Variants in PPP1R21 observed in about 807,000 individuals in gnomAD.
PPP1R21 encodes the protein protein phosphatase 1 regulatory subunit 21, also known as KLRAQ motif containing 1.
A neutral mutation model predicts 112.8 loss-of-function variants in PPP1R21; 85 were observed. The observed-to-expected ratio is 0.75, with a 90% confidence interval of 0.63 to 0.90. The LOEUF (loss-of-function observed/expected upper bound fraction) is 0.90, where lower values mean the gene tolerates loss of function less well. Among genes scored for constraint, PPP1R21 ranks in the 40% least tolerant of loss-of-function variants. PPP1R21 has a pLI of 0.00. For missense variants in PPP1R21, 1,199 were observed against 901.5 expected (o/e 1.33, Z -4.23); for synonymous variants, 381 against 322.3 (o/e 1.18, Z -1.95).
At chr2:48,454,124 G>T (rs1667604088) in intron 2 of PPP1R21, among the ~76,000 whole-genome samples, 1 of 152,126 alleles carries the variant, frequency 6.6e-6, no homozygotes, top group Non-Finnish European at 1.5e-5. Flanking sequence ...AGCCGAGTAT[G>T]GTAGTGTGCG....
chr2:48,490,160 A>C (rs1558496234), intron 14 of PPP1R21, among the ~76,000 whole-genome samples: 2 of 144,864 alleles, frequency 1.4e-5, no homozygotes. Context: ...CAGAGGTGGC[A>C]GTGAGCTGAG....
At chr2:48,475,717 C>T (rs891248787) in intron 12 of PPP1R21, among the ~76,000 whole-genome samples, 6 of 151,892 alleles carry the variant, frequency 4.0e-5, no homozygotes, top group African/African-American at 1.5e-4. Context: ...TGTGGTGGTG[C>T]GTGCCTGTAA....
At chr2:48,490,888 G>A (rs1669533423) in intron 14 of PPP1R21, 130 bp from the exon 15 acceptor site, 2 of 713,744 alleles carry the variant, frequency 2.8e-6, no homozygotes, top group South Asian at 3.7e-5. Context: ...TGGACTTTGG[G>A]GCAGGTGTTG....
intron 1 of PPP1R21, 168 bp downstream of exon 1, chr2:48,441,178 C>G (rs937490558): frequency 1.6e-6 from 1 of 630,904 alleles, no homozygotes; most frequent in African/African-American, 2.0e-5. Context: ...CCTGCAGCTC[C>G]CAGGAGATGG....
At chr2:48,481,921 T>C (rs1572867773) in intron 13 of PPP1R21, among the ~76,000 whole-genome samples, 1 of 152,262 alleles carries the variant, frequency 6.6e-6, no homozygotes, top group East Asian at 1.9e-4. Flanking sequence ...CACAAAATTA[T>C]TAAAAGTATC....
At position 48,461,215 on chromosome 2, in the gene PPP1R21, T is replaced by C. The variant is rs150896282; in HGVS notation, c.677T>C (p.Val226Ala). 384 of 1,580,934 alleles carry C rather than the reference T, an allele frequency of 2.4e-4. 1 individual carries two copies. In the Middle Eastern group the frequency reaches 2.5e-3, roughly 10 times the overall value. The change falls in exon 7 of 22, where the codon GTA becomes GCA. Residue 226 changes from valine to alanine, a missense_variant. Coordinates refer to ENST00000294952, the MANE Select transcript of PPP1R21 (RefSeq NM_001135629.3). ...TCCTTATCAATCATCAATGAAAAAG[T>C]ACCTTTTAATGATACAAGTAGGTAT... ...EESLSIINEK[V>A]PFNDTKYSQY...
intron 9 of PPP1R21, among the ~76,000 whole-genome samples, chr2:48,467,371 G>T (rs926349892): frequency 6.6e-6 from 1 of 152,160 alleles, no homozygotes; most frequent in Non-Finnish European, 1.5e-5. Flanking sequence ...TATTAGCTAT[G>T]TATTGCTATG....
intron 1 of PPP1R21, among the ~76,000 whole-genome samples, chr2:48,447,910 A>G (rs892975676): frequency 6.6e-6 from 1 of 152,150 alleles, no homozygotes; most frequent in Non-Finnish European, 1.5e-5. Context: ...AGATTGCACC[A>G]CTGCACTTCA....
rs769744843 is a variant in PPP1R21 at position 48,459,903 on chromosome 2, C to A, written c.525C>A (p.Asp175Glu). The change falls in exon 5 of 22, where the codon GAC becomes GAA. Residue 175 changes from aspartate to glutamate, a missense_variant. Asp to Glu is a conservative substitution (Grantham distance 45). Coordinates refer to ENST00000294952, the MANE Select transcript of PPP1R21 (RefSeq NM_001135629.3). ...AAACCATTGAGAAGCTGCAGAACGACAAGGCTAAACTAGAAGTAAGCCCCA... is the reference window on the plus strand; with the variant it reads ...AAACCATTGAGAAGCTGCAGAACGAAAAGGCTAAACTAGAAGTAAGCCCCA... ...YMETIEKLQN[D>E]KAKLEVKSQT... The A allele has an allele frequency of 2.5e-6, 4 of 1,613,952 alleles. No homozygotes were observed. In the East Asian group the frequency reaches 6.7e-5, roughly 27 times the overall value.
Position 48,515,235 on chromosome 2 carries a change from T to TCTCTCTCTCTCTCTCC in PPP1R21, c.*503_*504insCTCCCTCTCTCTCTCT, listed in dbSNP as rs1314206893. ...TCATATTTCTCTCTCTCTCTCTCTC[T>TCTCTCTCTCTCTCTCC]CTCTCTCTCTCTTCTTTCTCTCTGA... is the stretch of plus-strand genomic sequence containing the variant. On this transcript the variant is annotated 3_prime_UTR_variant, in exon 22 of 22. Coordinates refer to ENST00000294952, the MANE Select transcript of PPP1R21 (RefSeq NM_001135629.3). 1.3e-5 allele frequency: 2 copies of TCTCTCTCTCTCTCTCC among 153,388 alleles called. No individual in the cohort carries two copies. The allele number at this position is 153,388 out of a possible 1,614,324, so 9.5% of individuals were successfully genotyped here.
rs1670336400 is a variant in PPP1R21 at position 48,505,568 on chromosome 2, G to A, written c.1940G>A (p.Gly647Glu). ...ATTTTTCCCCTTATGTTCTAGATTG[G>A]GACTTTAACCAGGACATCTGACAGT... is the stretch of plus-strand genomic sequence containing the variant. ...LEPIQSTSLI[G>E]TLTRTSDSEV... The change falls in exon 18 of 22, where the codon GGG becomes GAG. Residue 647 changes from glycine to glutamate, a missense_variant. Coordinates refer to ENST00000294952, the MANE Select transcript of PPP1R21 (RefSeq NM_001135629.3). 2 of 1,549,870 alleles carry A rather than the reference G, an allele frequency of 1.3e-6. No individual in the cohort carries two copies. Among genetic ancestry groups the A allele is most frequent in the Non-Finnish European group, 1.7e-6 (2 of 1,144,888 alleles).
Position 48,512,150 on chromosome 2 carries a change from C to T in PPP1R21, c.2313+682C>T, listed in dbSNP as rs150354824. Among the ~76,000 whole-genome samples the T allele has an allele frequency of 2.3e-3, 346 of 152,248 alleles. 2 individuals are homozygous for T. Among genetic ancestry groups the T allele is most frequent in the Non-Finnish European group, 3.7e-3 (252 of 68,012 alleles). ...GAGTAAATGTTAGAAAATTTATTCT[C>T]ATAAATGTTAATATAACCTTGGAAT... On this transcript the variant is annotated intron_variant, in intron 21 of 21. Coordinates refer to ENST00000294952, the MANE Select transcript of PPP1R21 (RefSeq NM_001135629.3).
chr2:48,469,320 CAT>C (rs1194967014), intron 9 of PPP1R21, among the ~76,000 whole-genome samples: 18 of 19,294 alleles, frequency 9.3e-4, no homozygotes, highest in East Asian at 0.016. Context: ...CACACACACA[CAT>C]ATATATATAG....
intron 19 of PPP1R21, among the ~76,000 whole-genome samples, chr2:48,508,875 CT>C (rs1312168679): frequency 6.6e-6 from 1 of 152,154 alleles, no homozygotes; most frequent in Non-Finnish European, 1.5e-5. Context: ...TAAATATCTT[CT>C]GTGCAATTGT....
At chr2:48,464,338 G>A (rs1668107080) in intron 7 of PPP1R21, among the ~76,000 whole-genome samples, 1 of 152,164 alleles carries the variant, frequency 6.6e-6, no homozygotes, top group African/African-American at 2.4e-5. Context: ...AGTGGCTGAA[G>A]GGATGAGTAG....
chr2:48,500,302 C>CA, intron 17 of PPP1R21, among the ~76,000 whole-genome samples: 1 of 151,880 alleles, frequency 6.6e-6, no homozygotes, highest in Admixed American at 6.6e-5. Context: ...CACATGTTTA[C>CA]AAAAAAATAT....
intron 15 of PPP1R21, among the ~76,000 whole-genome samples, chr2:48,492,233 T>C (rs1558499833): frequency 6.6e-6 from 1 of 152,250 alleles, no homozygotes; most frequent in African/African-American, 2.4e-5. Flanking sequence ...ATTATCAGTT[T>C]GATGTGTAAC....
intron 5 of PPP1R21, 54 bp downstream of exon 5, chr2:48,459,972 A>C (rs1328730697): frequency 1.3e-6 from 2 of 1,593,412 alleles, no homozygotes; most frequent in Non-Finnish European, 1.7e-6. Context: ...TTGTATTAAT[A>C]AATTGTCTAT....
At chr2:48,444,709 A>T (rs55971719) in intron 1 of PPP1R21, among the ~76,000 whole-genome samples, 3 of 152,120 alleles carry the variant, frequency 2.0e-5, no homozygotes, top group Admixed American at 6.6e-5. Flanking sequence ...CCCTGCACCT[A>T]TTGAATCTGA....
Sources: allele counts gnomAD v4.1 joint callset (sites outside exome capture counted in the v4.1 genomes callset), GRCh38; gene constraint gnomAD v4.1.1; transcripts MANE v1.5; gene names NCBI Gene and HGNC (gene_info 2026-07-23, HGNC 2026-07-21).